ERCC6L2: variants seen among roughly 807,000 people sequenced by gnomAD.
ERCC6L2 encodes the protein ERCC excision repair 6 like 2, also known as DNA excision repair protein ERCC-6-like 2.
ERCC6L2 carries 77 observed loss-of-function variants against 132.0 expected under a neutral mutation model. The observed-to-expected ratio is 0.58, with a 90% CI of 0.49 to 0.71. The LOEUF is 0.71. ERCC6L2 is among the 30% of genes least tolerant of loss of function. The pLI is 0.00. For missense variants in ERCC6L2, 1,542 were observed against 1,837.6 expected, an observed-to-expected ratio of 0.84 and a Z score of 2.94; for synonymous variants, 583 against 632.4, an observed-to-expected ratio of 0.92 and a Z score of 1.17.
chr9:95,936,329 G>A (rs757977171), intron 11 of ERCC6L2, among the ~76,000 whole-genome samples: 16 of 152,236 alleles, frequency 1.1e-4, no homozygotes, highest in South Asian at 4.1e-4. Context: ...TATAAAATTA[G>A]CATTGATGTT....
chr9:95,929,423 C>A (rs940364025), intron 11 of ERCC6L2, among the ~76,000 whole-genome samples: 1 of 152,200 alleles, frequency 6.6e-6, no homozygotes, highest in African/African-American at 2.4e-5. Context: ...AACATAAACA[C>A]CTAAGTAAGA....
At chr9:95,999,100 C>T (rs1364876881) in intron 17 of ERCC6L2, among the ~76,000 whole-genome samples, 1 of 152,192 alleles carries the variant, frequency 6.6e-6, no homozygotes, top group African/African-American at 2.4e-5. Flanking sequence ...GTGGCTCACT[C>T]CTGTAATCCC....
chr9:95,959,774 TA>T (rs1452867742), intron 13 of ERCC6L2, among the ~76,000 whole-genome samples: 1 of 150,678 alleles, frequency 6.6e-6, no homozygotes, highest in African/African-American at 2.4e-5. Flanking sequence ...AATAAACCTG[TA>T]AAAATGTTAG....
chr9:95,980,590 T>C (rs1411316025), intron 17 of ERCC6L2, among the ~76,000 whole-genome samples: 1 of 152,162 alleles, frequency 6.6e-6, no homozygotes, highest in African/African-American at 2.4e-5. Flanking sequence ...TTTCATCATA[T>C]CGCGTCAATA....
chr9:96,034,608 G>A (rs543337747), intron 19 of ERCC6L2, among the ~76,000 whole-genome samples: 2 of 152,174 alleles, frequency 1.3e-5, no homozygotes, highest in Non-Finnish European at 2.9e-5. Context: ...TAGAGGCCTC[G>A]GGCTGCTTGT....
chr9:96,032,573 G>C (rs1419067381), intron 19 of ERCC6L2, among the ~76,000 whole-genome samples: 1 of 152,182 alleles, frequency 6.6e-6, no homozygotes, highest in Non-Finnish European at 1.5e-5. Flanking sequence ...CCGCTTTGGT[G>C]GGTGTCCTCC....
intron 6 of ERCC6L2, chr9:95,918,440 A>G: frequency 2.2e-6 from 1 of 444,848 alleles, no homozygotes; most frequent in South Asian, 1.7e-5. Context: ...AGGGCCTCAT[A>G]GCTACCATTT....
Position 95,881,131 on chromosome 9 carries a change from T to C in ERCC6L2, c.309T>C (p.Ser103=), listed in dbSNP as rs776638358. ...YFPNRKFPSS[S]VAFKLSDNGD... is the part of the protein sequence containing the mutation. Reference sequence around the variant, plus strand: ...CAAACCGAAAATTTCCATCATCTTCTGTTGCTTTTAAATTATCTGACAATG... The same window carrying C: ...CAAACCGAAAATTTCCATCATCTTCCGTTGCTTTTAAATTATCTGACAATG... Residue 103 remains serine (S), a synonymous_variant, in exon 2 of 19, where the codon TCT becomes TCC. Coordinates refer to ENST00000653738, the MANE Select transcript of ERCC6L2 (RefSeq NM_020207.7). 1 of 1,613,806 alleles carries C rather than the reference T, an allele frequency of 6.2e-7. No individual in the cohort carries two copies.
At chr9:96,040,344 C>T (rs1007155242) in intron 20 of ERCC6L2, among the ~76,000 whole-genome samples, 3 of 152,172 alleles carry the variant, frequency 2.0e-5, no homozygotes, top group African/African-American at 7.2e-5. Context: ...GGAGTCACTG[C>T]TTTCTCTGGG....
At chr9:95,990,330 T>C (rs1833250675) in intron 17 of ERCC6L2, among the ~76,000 whole-genome samples, 1 of 152,326 alleles carries the variant, frequency 6.6e-6, no homozygotes, top group Admixed American at 6.5e-5. Context: ...AACATGAAGG[T>C]ATCAAGTATG....
intron 18 of ERCC6L2, among the ~76,000 whole-genome samples, chr9:96,005,489 A>G (rs1399855856): frequency 2.6e-5 from 4 of 152,088 alleles, no homozygotes; most frequent in Non-Finnish European, 4.4e-5. Context: ...TTGGGAAGTC[A>G]GGGAAGACTG....
Position 95,921,326 on chromosome 9 carries a change from C to T in ERCC6L2, c.1299+11C>T. On this transcript the variant is annotated intron_variant, in intron 7 of 18. Coordinates refer to ENST00000653738, the MANE Select transcript of ERCC6L2 (RefSeq NM_020207.7). The stretch of plus-strand genomic sequence containing the variant: ...AATTGTTGTTATAAGGCAAGCATTT[C>T]AATATATCTTTATAATCATGCTTTT... 1.2e-6 allele frequency: 2 copies of T among 1,603,220 alleles called. No individual in the cohort carries two copies.
chr9:95,888,070 T>C (rs1398412524), intron 2 of ERCC6L2, among the ~76,000 whole-genome samples: 1 of 150,350 alleles, frequency 6.7e-6, no homozygotes. Flanking sequence ...ACTTTGTGGT[T>C]TTTTTTTTTT....
chr9:95,958,478 TAA>T (rs1831730184), intron 13 of ERCC6L2, among the ~76,000 whole-genome samples: 1 of 152,188 alleles, frequency 6.6e-6, no homozygotes, highest in Non-Finnish European at 1.5e-5. Flanking sequence ...ACCAACAGTG[TAA>T]AAGTGTTCCT....
chr9:95,923,159 A>C, intron 8 of ERCC6L2, 101 bp from the exon 9 acceptor site: 2 of 1,390,242 alleles, frequency 1.4e-6, no homozygotes, highest in Non-Finnish European at 1.9e-6. Context: ...TTAAAGTAAT[A>C]CATTCTTTCT....
In ERCC6L2 at chr9:95,880,902, C is replaced by G. The variant is rs1246652809; in HGVS notation, c.80C>G (p.Pro27Arg). 1 of 1,612,696 alleles carries G rather than the reference C, an allele frequency of 6.2e-7. No homozygotes were observed. Among genetic ancestry groups the G allele is most frequent in the East Asian group, 2.2e-5 (1 of 44,850 alleles). Residue 27 changes from proline to arginine, a missense_variant, in exon 2 of 19, where the codon CCT (proline) becomes CGT (arginine). By Grantham distance (103) the Pro-to-Arg change is moderately radical (BLOSUM62 -2). Transcript: ENST00000653738. ...CATCCAGGAGAAAGATGTCTTGCCC[C>G]TTCTCCAGATAATGGAAAACTTTGT... ...IWHPGERCLA[P>R]SPDNGKLCEA...
In ERCC6L2 at chr9:96,013,737, A is replaced by G. The variant is rs1834112862; in HGVS notation, c.*534A>G. On this transcript the variant is annotated 3_prime_UTR_variant, in exon 19 of 19. Transcript: ENST00000653738. ...GCATCATGTTCTATTATTATTTTAG[A>G]AAAAAGTCATAATTGGTACTGAATA... 2 of 152,450 alleles carry G rather than the reference A, an allele frequency of 1.3e-5. No homozygotes were observed. The highest frequency in any genetic ancestry group is 4.8e-5 in the African/African-American group (2 of 41,446). 9.4% of individuals were successfully genotyped at this position (152,450 alleles called of 1,614,324 possible). A position where few individuals can be genotyped will look rare whatever the true frequency, so the allele number is the denominator to read the frequency against.
chr9:95,877,826 GAATGTGTAATAA>G (rs1265725195), intron 1 of ERCC6L2, among the ~76,000 whole-genome samples: 1 of 150,466 alleles, frequency 6.6e-6, no homozygotes, highest in African/African-American at 2.5e-5. Context: ...AAAAAAAAAA[GAATGTGTAATAA>G]ATTCGCATGT....
chr9:95,915,832 G>C lies in ERCC6L2; in HGVS notation c.950+3G>C, dbSNP rs1364601232. 6.3e-7 allele frequency: 1 copy of C among 1,583,126 alleles called. No homozygotes were observed. The highest frequency in any genetic ancestry group is 1.4e-5 in the African/African-American group (1 of 73,040). The stretch of plus-strand genomic sequence containing the variant: ...GAACTGTGGTGTGTTATGGACTGGT[G>C]AGAGAAAACACTTTTTAAAAAATTG... On this transcript the variant is annotated splice_donor_region_variant and intron_variant, in intron 5 of 18. Coordinates refer to ENST00000653738, the MANE Select transcript of ERCC6L2 (RefSeq NM_020207.7).
Sources: allele counts gnomAD v4.1 joint callset (sites outside exome capture counted in the v4.1 genomes callset), GRCh38; gene constraint gnomAD v4.1.1; transcripts MANE v1.5; gene names NCBI Gene and HGNC (gene_info 2026-07-23, HGNC 2026-07-21).